The following DUOX1 variants were observed in gnomAD, a reference collection of about 807,000 sequenced individuals.
DUOX1 encodes dual oxidase 1.
DUOX1 carries 134 observed loss-of-function variants against 181.8 expected under a neutral mutation model. The observed-to-expected ratio is 0.74, with a 90% confidence interval of 0.64 to 0.85. The LOEUF is 0.85. Among genes scored for constraint, DUOX1 ranks in the 40% least tolerant of loss-of-function variants. The pLI, the probability that DUOX1 is intolerant of heterozygous loss-of-function variation, is 0.00. For missense variants in DUOX1, 1,814 were observed against 2,064.4 expected, an observed-to-expected ratio of 0.88 and a Z score of 2.35; for synonymous variants, 798 against 832.5, an observed-to-expected ratio of 0.96 and a Z score of 0.71.
rs562106170 is a variant in DUOX1 at position 45,151,758 on chromosome 15, T to C, written c.3015-116T>C. 374 of 1,117,728 alleles carry C rather than the reference T, an allele frequency of 3.3e-4. 4 individuals carry two copies. The South Asian group carries it at 5.2e-3, about 16-fold the overall frequency. 69.2% of individuals were successfully genotyped at this position (1,117,728 alleles called of 1,614,324 possible). A position where few individuals can be genotyped will look rare whatever the true frequency, so the allele number is the denominator to read the frequency against. On this transcript the variant is annotated intron_variant, in intron 23 of 33. Coordinates refer to ENST00000389037, the MANE Select transcript of DUOX1 (RefSeq NM_175940.3). ...TCTTCCACAAGGGTAACTAGGTTTC[T>C]TTCTCGGAAGCAGTGGGCTTCCCTC... is the stretch of plus-strand genomic sequence containing the variant.
In DUOX1 at chr15:45,151,890, C is replaced by T; in HGVS notation, c.3031C>T (p.Pro1011Ser). The part of the protein sequence containing the change: ...RFGKKVTSFQ[P>S]LLFTEAHREK... The stretch of plus-strand genomic sequence containing the variant: ...GTCTCCCAGGGTAACGTCATTCCAG[C>T]CCTTGCTGTTCACTGAGGCGCACCG... Residue 1011 changes from proline (P) to serine (S), a missense_variant, in exon 24 of 34, where the codon CCC (proline) becomes TCC (serine). Pro to Ser is a moderately conservative substitution (Grantham distance 74, BLOSUM62 -1). Around this residue, in one of 5 missense-constraint regions of DUOX1, gnomAD observed 1,064 missense variants for 1,152.9 expected, o/e 0.92. Coordinates refer to ENST00000389037, the MANE Select transcript of DUOX1 (RefSeq NM_175940.3). 6.2e-7 allele frequency: 1 copy of T among 1,613,328 alleles called. No individual in the cohort carries two copies. Among genetic ancestry groups the T allele is most frequent in the Non-Finnish European group, 8.5e-7 (1 of 1,179,640 alleles).
chr15:45,157,817 T>TAAA (rs60248114), intron 28 of DUOX1, among the ~76,000 whole-genome samples: 2 of 141,164 alleles, frequency 1.4e-5, no homozygotes, highest in African/African-American at 2.6e-5. Flanking sequence ...ACAGCCTGTT[T>TAAA]AAAAAAAAAA....
chr15:45,164,457 A>G (rs183826551), intron 33 of DUOX1, among the ~76,000 whole-genome samples: 27 of 149,862 alleles, frequency 1.8e-4, no homozygotes, highest in African/African-American at 6.6e-4. Context: ...CATCAGGAGC[A>G]CTGCTGGCTT....
At chr15:45,155,103 T>A (rs1169359409) in intron 27 of DUOX1, among the ~76,000 whole-genome samples, 3 of 152,178 alleles carry the variant, frequency 2.0e-5, no homozygotes, top group Non-Finnish European at 4.4e-5. Context: ...GGGCCCAGAG[T>A]GGACACCCTC....
chr15:45,148,448 G>A lies in DUOX1; in HGVS notation c.2818+1G>A, dbSNP rs779939721. On this transcript the variant is annotated splice_donor_variant, in intron 21 of 33. Transcript: ENST00000389037. LOFTEE classifies it high-confidence loss of function. ...CGCTTCACGCAGCTCTGTGTCAAAG[G>A]TGGGGCAGCCTGGTAGGCAGCACTG... 9 of 1,609,824 alleles carry A rather than the reference G, an allele frequency of 5.6e-6. No homozygotes were observed. The South Asian group carries it at 6.6e-5, about 12-fold the overall frequency.
In DUOX1 at chr15:45,143,178, C is replaced by G; in HGVS notation, c.1823-12C>G. ...CCCACGTCTCCCTGAACCTCTGCCTCTGCCCTCCCAGTGAGCCTGCTCAGT... is the reference window on the plus strand; with the variant it reads ...CCCACGTCTCCCTGAACCTCTGCCTGTGCCCTCCCAGTGAGCCTGCTCAGT... On this transcript the variant is annotated splice_polypyrimidine_tract_variant and intron_variant, in intron 15 of 33. Coordinates refer to ENST00000389037, the MANE Select transcript of DUOX1 (RefSeq NM_175940.3). The G allele has an allele frequency of 6.2e-7, 1 of 1,612,252 alleles. No individual in the cohort carries two copies. The highest frequency in any genetic ancestry group is 8.5e-7 in the Non-Finnish European group (1 of 1,178,514).
At chr15:45,138,733 G>T (rs1896406051) in intron 10 of DUOX1, 2 of 238,906 alleles carry the variant, frequency 8.4e-6, no homozygotes, top group Non-Finnish European at 1.6e-5. Flanking sequence ...CCTGTGACTT[G>T]CCCAAGGTCA....
intron 27 of DUOX1, 117 bp downstream of exon 27, chr15:45,154,117 C>A: frequency 1.1e-6 from 1 of 948,384 alleles, no homozygotes; most frequent in Non-Finnish European, 1.7e-6. Flanking sequence ...GTGACCCAGG[C>A]TCTGTCCTCT....
At chr15:45,156,069 G>A (rs1185512586) in intron 28 of DUOX1, 140 bp downstream of exon 28, 5 of 1,198,714 alleles carry the variant, frequency 4.2e-6, no homozygotes, top group Non-Finnish European at 4.7e-6. Context: ...CTTTGAAGGT[G>A]GAGATGATAG....
chr15:45,164,962 CCT>C lies in DUOX1; in HGVS notation c.*64_*65del. On this transcript the variant is annotated 3_prime_UTR_variant, in exon 34 of 34. Transcript: ENST00000389037. ...AGCAGAGGTTTGAGCCCACACCTCA[CCT>C]CTGTTCTTCCTATTTCTGGCTGCCT... The C allele has an allele frequency of 5.1e-6, 8 of 1,566,470 alleles. No homozygotes were observed. Among genetic ancestry groups the C allele is most frequent in the South Asian group, 4.5e-5 (4 of 88,988 alleles).
In DUOX1 at chr15:45,135,523, C is replaced by G; in HGVS notation, c.545C>G (p.Ser182Trp). The change falls in exon 6 of 34, where the codon TCG becomes TGG. Residue 182 changes from serine (S) to tryptophan (W), a missense_variant. Transcript: ENST00000389037. ...WLDGSAIYGS[S>W]HSWSDALRSF... ...GACGGCAGCGCCATCTATGGTTCCT[C>G]GCATTCCTGGAGCGACGCGCTGCGG... 1 of 1,560,232 alleles carries G rather than the reference C, an allele frequency of 6.4e-7. No homozygotes were observed. The highest frequency in any genetic ancestry group is 1.2e-5 in the South Asian group (1 of 84,852).
At position 45,163,598 on chromosome 15, in the gene DUOX1, G is replaced by T. The variant is rs369141106; in HGVS notation, c.4315G>T (p.Val1439Leu). Reference protein sequence around the residue: ...FEWLADIIREVEENDHQDLVS... With the variant: ...FEWLADIIRELEENDHQDLVS... The stretch of plus-strand genomic sequence containing the variant: ...GTGGCTGGCTGACATCATCCGAGAG[G>T]TGGAGGAGAATGACCACCAGGACCT... Residue 1439 changes from valine (V) to leucine (L), a missense_variant, in exon 32 of 34, where the codon GTG becomes TTG. Val to Leu is a conservative substitution (Grantham distance 32). Transcript: ENST00000389037. The T allele has an allele frequency of 1.2e-6, 2 of 1,614,180 alleles. No homozygotes were observed. Among genetic ancestry groups the T allele is most frequent in the Non-Finnish European group, 1.7e-6 (2 of 1,180,030 alleles).
chr15:45,135,111 C>T lies in DUOX1; in HGVS notation c.315C>T (p.His105=), dbSNP rs765394781. 6.2e-7 allele frequency: 1 copy of T among 1,613,568 alleles called. No individual in the cohort carries two copies. Among genetic ancestry groups the T allele is most frequent in the Admixed American group, 1.7e-5 (1 of 59,972 alleles). ...CTCCTGCACTGCCCGCAGGCTATCA[C>T]GTGCTTTCAGACCTGGTGAGCGTGG... ...RTVLGVFFGY[H]VLSDLVSVET... The change falls in exon 5 of 34, where the codon CAC becomes CAT. Residue 105 remains histidine, a synonymous_variant. Transcript: ENST00000389037.
chr15:45,147,998 G>A lies in DUOX1; in HGVS notation c.2642+1G>A. On this transcript the variant is annotated splice_donor_variant, in intron 20 of 33. Transcript: ENST00000389037. LOFTEE classifies it high-confidence loss of function. Reference sequence around the variant, plus strand: ...AGGATGAGTTCATCAGGATGCTGAGGTTTGTTCTCTGGGACAGCCAGGAGA... The same window carrying A: ...AGGATGAGTTCATCAGGATGCTGAGATTTGTTCTCTGGGACAGCCAGGAGA... 3 of 1,613,164 alleles carry A rather than the reference G, an allele frequency of 1.9e-6. No homozygotes were observed. Among genetic ancestry groups the A allele is most frequent in the Non-Finnish European group, 2.5e-6 (3 of 1,179,106 alleles).
In DUOX1 at chr15:45,161,005, G is replaced by C; in HGVS notation, c.3856+15G>C. 6.2e-7 allele frequency: 1 copy of C among 1,613,946 alleles called. No homozygotes were observed. Among genetic ancestry groups the C allele is most frequent in the Non-Finnish European group, 8.5e-7 (1 of 1,179,978 alleles). On this transcript the variant is annotated intron_variant, in intron 29 of 33. Transcript: ENST00000389037. ...GCTGCCCTCAGGTACCAGCCTGGCAGGAGATCAGCTTGGTGACACTGAGGG... is the reference window on the plus strand; with the variant it reads ...GCTGCCCTCAGGTACCAGCCTGGCACGAGATCAGCTTGGTGACACTGAGGG...
At chr15:45,161,503 G>A (rs1897102353) in intron 29 of DUOX1, among the ~76,000 whole-genome samples, 1 of 151,360 alleles carries the variant, frequency 6.6e-6, no homozygotes, top group African/African-American at 2.4e-5. Flanking sequence ...TGTTTGCCAG[G>A]GGACCTGAGC....
Position 45,147,954 on chromosome 15 carries a change from G to A in DUOX1, c.2599G>A (p.Gly867Arg). The A allele has an allele frequency of 6.2e-7, 1 of 1,614,222 alleles. No individual in the cohort carries two copies. Among genetic ancestry groups the A allele is most frequent in the Admixed American group, 1.7e-5 (1 of 60,034 alleles). Residue 867 changes from glycine (G) to arginine (R), a missense_variant, in exon 20 of 34, where the codon GGG becomes AGG. By Grantham distance (125) the Gly-to-Arg change is moderately radical. Coordinates refer to ENST00000389037, the MANE Select transcript of DUOX1 (RefSeq NM_175940.3). ...RLMFRMYDFD[G>R]NGLISKDEFI... Reference sequence around the variant, plus strand: ...TATGTTCCGCATGTACGACTTTGATGGGAATGGCCTCATTTCCAAGGATGA... The same window carrying A: ...TATGTTCCGCATGTACGACTTTGATAGGAATGGCCTCATTTCCAAGGATGA...
chr15:45,138,103 T>TGTGTGTGA (rs756662712), intron 10 of DUOX1, 89 bp downstream of exon 10: 168 of 1,011,904 alleles, frequency 1.7e-4, no homozygotes, highest in African/African-American at 1.2e-3. Flanking sequence ...TGTGTGTGTG[T>TGTGTGTGA]GTGAGTGCAT....
intron 29 of DUOX1, 134 bp from the exon 30 acceptor site, chr15:45,161,604 G>A (rs1897104864): frequency 1.3e-6 from 1 of 784,708 alleles, no homozygotes. Context: ...CCCCCACAGG[G>A]TGAGCTTCTG....
Sources: gnomAD v4.1 joint callset for allele counts (sites outside exome capture counted in the v4.1 genomes callset) on GRCh38, gnomAD v4.1.1 for gene constraint, gnomAD v4.1.1 regional missense constraint, MANE v1.5 for transcripts, NCBI Gene and HGNC (gene_info 2026-07-23, HGNC 2026-07-21) for gene names.